RBM20: variants seen among roughly 807,000 people sequenced by gnomAD.
RBM20 encodes RNA binding motif protein 20, also known as RNA-binding protein 20.
RBM20 carries 51 observed loss-of-function variants against 110.1 expected under a neutral mutation model. That is an observed-to-expected ratio of 0.46 (90% CI 0.37 to 0.59). The LOEUF is 0.59. Ranked by LOEUF, RBM20 falls within the 20% of genes least tolerant of loss-of-function variation. The pLI is 0.00. For missense variants in RBM20, 1,512 were observed against 1,574.9 expected (o/e 0.96, Z 0.68); for synonymous variants, 589 against 618.2 (o/e 0.95, Z 0.70).
intron 1 of RBM20, among the ~76,000 whole-genome samples, chr10:110,679,045 G>A (rs1862382564): frequency 6.6e-6 from 1 of 152,268 alleles, no homozygotes; most frequent in South Asian, 2.1e-4. Context: ...CAGGAAACTT[G>A]GCCTCCTGGA....
rs894526597 is a variant in RBM20, at chr10:110,838,710, C to G, written c.*2732C>G. 3.4e-5 allele frequency: 5 copies of G among 147,986 alleles called. No individual in the cohort carries two copies. The highest frequency in any genetic ancestry group is 1.2e-4 in the African/African-American group (5 of 40,412). 9.2% of individuals were successfully genotyped at this position (147,986 alleles called of 1,614,324 possible). ...CAGATGGTCGTGTAGTGTTATGGCTCTCTTGTGATAGACTGGCCTTCATAT... is the reference window on the plus strand; with the variant it reads ...CAGATGGTCGTGTAGTGTTATGGCTGTCTTGTGATAGACTGGCCTTCATAT... On this transcript the variant is annotated 3_prime_UTR_variant, in exon 14 of 14. Coordinates refer to ENST00000369519, the MANE Select transcript of RBM20 (RefSeq NM_001134363.3).
Position 110,820,185 on chromosome 10 carries a change from T to A in RBM20, c.2655+9T>A. 6.5e-7 allele frequency: 1 copy of A among 1,539,626 alleles called. No individual in the cohort carries two copies. Among genetic ancestry groups the A allele is most frequent in the Non-Finnish European group, 8.8e-7 (1 of 1,136,150 alleles). ...ACACAAGGACAAAGAAGGTAAAGTT[T>A]GTTTCAGATTCTGCACTTCTGCCAT... On this transcript the variant is annotated intron_variant, in intron 10 of 13. Transcript: ENST00000369519.
chr10:110,645,780 G>C (rs917243491), intron 1 of RBM20, among the ~76,000 whole-genome samples: 16 of 151,972 alleles, frequency 1.1e-4, no homozygotes, highest in African/African-American at 3.6e-4. Flanking sequence ...GAACAAAATG[G>C]TTCCCTATGT....
At chr10:110,706,355 G>A (rs762163042) in intron 1 of RBM20, among the ~76,000 whole-genome samples, 5 of 152,202 alleles carry the variant, frequency 3.3e-5, no homozygotes, top group Admixed American at 6.5e-5. Flanking sequence ...TAAGAAATGT[G>A]AGTTGTCTTC....
chr10:110,821,096 G>A (rs1844902527), intron 10 of RBM20, among the ~76,000 whole-genome samples, 179 bp from the exon 11 acceptor site: 1 of 152,192 alleles, frequency 6.6e-6, no homozygotes, highest in African/African-American at 2.4e-5. Flanking sequence ...CAAACTTTGA[G>A]CATCACCCTA....
At chr10:110,809,434 C>A (rs1208522356) in intron 7 of RBM20, among the ~76,000 whole-genome samples, 1 of 152,048 alleles carries the variant, frequency 6.6e-6, no homozygotes, top group East Asian at 1.9e-4. Flanking sequence ...GGGATGAATT[C>A]TGCATAGTCT....
chr10:110,834,685 C>T (rs367979346), intron 13 of RBM20, among the ~76,000 whole-genome samples: 1 of 152,184 alleles, frequency 6.6e-6, no homozygotes, highest in African/African-American at 2.4e-5. Context: ...TTTGATAACT[C>T]GCCTGCTGAG....
chr10:110,781,755 C>G lies in RBM20; in HGVS notation c.1146C>G (p.Ala382=). The change falls in exon 2 of 14, where the codon GCC becomes GCG. Residue 382 remains alanine, a synonymous_variant. Coordinates refer to ENST00000369519, the MANE Select transcript of RBM20 (RefSeq NM_001134363.3). ...KQGFIGAGRR[A]KEDQALLSVR... Reference sequence around the variant, plus strand: ...GTTTTATCGGTGCTGGGCGGAGGGCCAAGGAGGACCAGGCGTTGCTATCTG... The same window carrying G: ...GTTTTATCGGTGCTGGGCGGAGGGCGAAGGAGGACCAGGCGTTGCTATCTG... 6.4e-7 allele frequency: 1 copy of G among 1,551,846 alleles called. No individual in the cohort carries two copies. Among genetic ancestry groups the G allele is most frequent in the Non-Finnish European group, 8.7e-7 (1 of 1,147,014 alleles).
At chr10:110,798,606 G>A (rs1844581468) in intron 6 of RBM20, among the ~76,000 whole-genome samples, 1 of 152,212 alleles carries the variant, frequency 6.6e-6, no homozygotes, top group African/African-American at 2.4e-5. Flanking sequence ...GTGGCAGAAT[G>A]TGAAATAAAA....
At chr10:110,786,122 C>G (rs985240964) in intron 5 of RBM20, among the ~76,000 whole-genome samples, 3 of 152,236 alleles carry the variant, frequency 2.0e-5, no homozygotes, top group African/African-American at 4.8e-5. Context: ...TGCCACCACC[C>G]TACACCCCCA....
At chr10:110,815,482 G>T (rs1434856969) in intron 9 of RBM20, among the ~76,000 whole-genome samples, 1 of 152,196 alleles carries the variant, frequency 6.6e-6, no homozygotes, top group Non-Finnish European at 1.5e-5. Flanking sequence ...TGAACCAGTG[G>T]ATATTTTAAA....
rs183007628 is a variant in RBM20, at chr10:110,797,583, G to C, written c.1603G>C (p.Val535Leu). The change falls in exon 6 of 14, where the codon GTC (valine) becomes CTC (leucine). Residue 535 changes from valine to leucine, a missense_variant. By Grantham distance (32) the Val-to-Leu change is conservative (BLOSUM62 1). Coordinates refer to ENST00000369519, the MANE Select transcript of RBM20 (RefSeq NM_001134363.3). ...LPEGSCTEND[V>L]INLGLPFGKV... ...TGAAGGAAGCTGCACTGAGAATGACGTCATTAACCTGGGGCTGCCCTTTGG... is the reference window on the plus strand; with the variant it reads ...TGAAGGAAGCTGCACTGAGAATGACCTCATTAACCTGGGGCTGCCCTTTGG... 1.2e-5 allele frequency: 18 copies of C among 1,551,556 alleles called. No homozygotes were observed. Among genetic ancestry groups the C allele is most frequent in the Admixed American group, 2.0e-5 (1 of 50,968 alleles).
At chr10:110,705,593 A>G (rs895349056) in intron 1 of RBM20, among the ~76,000 whole-genome samples, 2 of 152,250 alleles carry the variant, frequency 1.3e-5, no homozygotes, top group Non-Finnish European at 2.9e-5. Context: ...TGCATGAGCA[A>G]CTACAAATCC....
At chr10:110,643,682 G>A (rs1175974185), upstream of RBM20, among the ~76,000 whole-genome samples, 1 of 152,228 alleles carries the variant, frequency 6.6e-6, no homozygotes, top group Non-Finnish European at 1.5e-5. Flanking sequence ...GGCCCCACCG[G>A]CTGCTTCCGG....
chr10:110,655,799 A>G (rs1564806959), intron 1 of RBM20, among the ~76,000 whole-genome samples: 1 of 152,254 alleles, frequency 6.6e-6, no homozygotes, highest in Non-Finnish European at 1.5e-5. Flanking sequence ...CAGGGTTTAC[A>G]GTAAAAATCC....
At chr10:110,766,933 G>A (rs1203263451) in intron 1 of RBM20, among the ~76,000 whole-genome samples, 205 of 145,888 alleles carry the variant, frequency 1.4e-3, no homozygotes, top group African/African-American at 5.0e-3. Context: ...CTCCCGGACG[G>A]GGCGGCTGGC....
intron 11 of RBM20, among the ~76,000 whole-genome samples, 173 bp downstream of exon 11, chr10:110,822,108 C>T (rs1041195102): frequency 6.6e-6 from 1 of 152,234 alleles, no homozygotes; most frequent in African/African-American, 2.4e-5. Flanking sequence ...CCTGGCTAAA[C>T]TGTTAGTGAT....
chr10:110,734,638 A>C lies in RBM20; in HGVS notation c.192-46163A>C, dbSNP rs1843652141. Reference sequence around the variant, plus strand: ...TCCCTCTTTTTTTTTTTTTTTTTTGAGAGTGTCCTTAGTATACCCAGACCC... The same window carrying C: ...TCCCTCTTTTTTTTTTTTTTTTTTGCGAGTGTCCTTAGTATACCCAGACCC... On this transcript the variant is annotated intron_variant, in intron 1 of 13. Transcript: ENST00000369519. Among the ~76,000 whole-genome samples, 3 of 89,536 alleles carry C rather than the reference A, an allele frequency of 3.4e-5. No individual in the cohort carries two copies. In the East Asian group the frequency reaches 1.0e-3, roughly 31 times the overall value. 58.7% of individuals were successfully genotyped at this position (89,536 alleles called of 152,430 possible). A position where few individuals can be genotyped will look rare whatever the true frequency, so the allele number is the denominator to read the frequency against.
chr10:110,736,242 T>A (rs1238037870), intron 1 of RBM20, among the ~76,000 whole-genome samples: 5 of 152,232 alleles, frequency 3.3e-5, no homozygotes, highest in East Asian at 1.9e-4. Context: ...ATAAAGTCCA[T>A]CTTCCCAAAT....
Sources: gnomAD v4.1 joint callset for allele counts (sites outside exome capture counted in the v4.1 genomes callset) on GRCh38, gnomAD v4.1.1 for gene constraint, MANE v1.5 for transcripts, NCBI Gene and HGNC (gene_info 2026-07-23, HGNC 2026-07-21) for gene names.